The following DPP10 variants were observed in gnomAD, a reference collection of about 807,000 sequenced individuals.
DPP10 encodes the protein dipeptidyl peptidase like 10.
DPP10 carries 33 observed loss-of-function variants against 120.9 expected under a neutral mutation model. That is an observed-to-expected ratio of 0.27 (90% CI 0.21 to 0.37). The LOEUF (loss-of-function observed/expected upper bound fraction) is 0.37, where lower values mean the gene tolerates loss of function less well. DPP10 is among the 10% of genes least tolerant of loss of function. DPP10 has a pLI of 1.00. For missense variants in DPP10, 816 were observed against 942.8 expected (o/e 0.87, Z 1.76); for synonymous variants, 337 against 326.1 (o/e 1.03, Z -0.36).
chr2:115,425,656 C>T (rs1300775756), intron 3 of DPP10, among the ~76,000 whole-genome samples: 1 of 152,042 alleles, frequency 6.6e-6, no homozygotes, highest in African/African-American at 2.4e-5. Context: ...TTTTCATTTC[C>T]CTTTTAAAAA....
intron 1 of DPP10, among the ~76,000 whole-genome samples, chr2:115,224,696 CAT>C (rs1287575583): frequency 1.3e-5 from 2 of 152,120 alleles, no homozygotes; most frequent in African/African-American, 2.4e-5. Context: ...ACACAATAAT[CAT>C]GTGAGATAAT....
intron 1 of DPP10, among the ~76,000 whole-genome samples, chr2:114,959,758 G>A (rs1302115136): frequency 1.3e-5 from 2 of 152,108 alleles, no homozygotes; most frequent in Non-Finnish European, 2.9e-5. Flanking sequence ...CAATGTAACT[G>A]TTCTGTGGGA....
At chr2:114,709,731 G>A (rs940487230) in intron 1 of DPP10, among the ~76,000 whole-genome samples, 2 of 152,156 alleles carry the variant, frequency 1.3e-5, no homozygotes, top group African/African-American at 4.8e-5. Context: ...TTTATAATTG[G>A]TGAATTGCAG....
intron 7 of DPP10, among the ~76,000 whole-genome samples, chr2:115,707,421 TAC>T (rs35961586): frequency 0.2 from 27,678 of 138,532 alleles, 2,828 homozygotes; most frequent in Middle Eastern, 0.32. Context: ...AAACAAATTT[TAC>T]ACACACACAC....
intron 5 of DPP10, among the ~76,000 whole-genome samples, chr2:115,601,780 TC>T (rs2083335919): frequency 6.6e-6 from 1 of 151,688 alleles, no homozygotes; most frequent in Admixed American, 6.6e-5. Context: ...TTCAAGCGAT[TC>T]CCCTGCCTCA....
At chr2:115,376,013 T>A (rs2065766323) in intron 3 of DPP10, among the ~76,000 whole-genome samples, 1 of 152,058 alleles carries the variant, frequency 6.6e-6, no homozygotes, top group African/African-American at 2.4e-5. Context: ...TGTTGAGTGT[T>A]AAAGCCCAGA....
chr2:114,465,061 T>C (rs1469275053), intron 1 of DPP10, among the ~76,000 whole-genome samples: 1 of 152,144 alleles, frequency 6.6e-6, no homozygotes, highest in Non-Finnish European at 1.5e-5. Flanking sequence ...AGGGGAACTA[T>C]TGCGTTCTGT....
At chr2:114,837,134 A>C (rs1467015527) in intron 1 of DPP10, among the ~76,000 whole-genome samples, 2 of 152,234 alleles carry the variant, frequency 1.3e-5, no homozygotes, top group Non-Finnish European at 2.9e-5. Context: ...AAGAGATTAA[A>C]GTAAAGACAG....
chr2:115,572,138 A>T (rs2081369690), intron 5 of DPP10, among the ~76,000 whole-genome samples: 7 of 152,138 alleles, frequency 4.6e-5, no homozygotes, highest in Admixed American at 4.6e-4. Flanking sequence ...CATTTTATCA[A>T]GATTAAAAAA....
Position 114,942,402 on chromosome 2 carries a change from CATAT to C in DPP10, c.61-366820_61-366817del, listed in dbSNP as rs61579596. On this transcript the variant is annotated intron_variant, in intron 1 of 25. Transcript: ENST00000410059. ...ACATATATATATATACACACACACA[CATAT>C]ATATATATATATATATGATATCTTG... Among the ~76,000 whole-genome samples the C allele has an allele frequency of 4.7e-3, 598 of 127,784 alleles. 2 individuals are homozygous for C. Among genetic ancestry groups the C allele is most frequent in the African/African-American group, 0.016 (515 of 31,946 alleles). 83.8% of individuals were successfully genotyped at this position (127,784 alleles called of 152,430 possible).
chr2:115,575,210 TCAA>T (rs2081578371), intron 5 of DPP10, among the ~76,000 whole-genome samples: 1 of 152,180 alleles, frequency 6.6e-6, no homozygotes, highest in Admixed American at 6.5e-5. Context: ...ACCTCAGGCA[TCAA>T]ACTGTTCATA....
chr2:115,070,641 T>C (rs1048238222), intron 1 of DPP10, among the ~76,000 whole-genome samples: 4 of 152,190 alleles, frequency 2.6e-5, no homozygotes, highest in African/African-American at 7.2e-5. Context: ...AGCCATATGA[T>C]TATAGTATAT....
intron 1 of DPP10, among the ~76,000 whole-genome samples, chr2:115,005,287 G>A (rs986766569): frequency 6.6e-6 from 1 of 152,126 alleles, no homozygotes; most frequent in African/African-American, 2.4e-5. Flanking sequence ...CAGAAAAACT[G>A]GAAACTCTAA....
At chr2:114,782,103 G>T (rs2106198777) in intron 1 of DPP10, among the ~76,000 whole-genome samples, 1 of 152,126 alleles carries the variant, frequency 6.6e-6, no homozygotes. Context: ...GTCAGCTTTT[G>T]AAGCCAGCCT....
intron 1 of DPP10, among the ~76,000 whole-genome samples, chr2:114,623,327 A>G (rs188008631): frequency 3.9e-5 from 6 of 152,274 alleles, no homozygotes; most frequent in South Asian, 4.1e-4. Flanking sequence ...AGAAACGGTC[A>G]ATGTTTTATG....
intron 1 of DPP10, among the ~76,000 whole-genome samples, chr2:115,120,541 G>A (rs1363699133): frequency 6.6e-6 from 1 of 152,182 alleles, no homozygotes; most frequent in Non-Finnish European, 1.5e-5. Flanking sequence ...TAGGGGGCAT[G>A]CCTAACTCTG....
chr2:114,737,431 C>A (rs1198214675), intron 1 of DPP10, among the ~76,000 whole-genome samples: 1 of 152,178 alleles, frequency 6.6e-6, no homozygotes, highest in Non-Finnish European at 1.5e-5. Context: ...AACATTTCTG[C>A]AGGAGAGAGA....
intron 3 of DPP10, among the ~76,000 whole-genome samples, chr2:115,483,280 T>A (rs931181890): frequency 7.9e-5 from 12 of 152,098 alleles, no homozygotes; most frequent in Admixed American, 5.9e-4. Flanking sequence ...GTAGGATTTT[T>A]AAAAAATTAT....
At chr2:114,466,688 T>A (rs185994739) in intron 1 of DPP10, among the ~76,000 whole-genome samples, 131 of 152,338 alleles carry the variant, frequency 8.6e-4, no homozygotes, top group Non-Finnish European at 7.6e-4. Flanking sequence ...CCAGCGAATG[T>A]GAACCATTCT....
Sources: allele counts gnomAD v4.1 joint callset (sites outside exome capture counted in the v4.1 genomes callset), GRCh38; gene constraint gnomAD v4.1.1; transcripts MANE v1.5; gene names NCBI Gene and HGNC (gene_info 2026-07-23, HGNC 2026-07-21).